The following C10orf90 variants were observed in gnomAD, a reference collection of about 807,000 sequenced individuals.
The protein encoded by C10orf90 is chromosome 10 open reading frame 90, also known as (E2-independent) E3 ubiquitin-conjugating enzyme FATS.
A neutral mutation model predicts 62.5 loss-of-function variants in C10orf90; 56 were observed. The ratio of observed to expected loss-of-function variants is 0.90; its 90% CI spans 0.72 to 1.12. The LOEUF (loss-of-function observed/expected upper bound fraction) is 1.12, where lower values mean the gene tolerates loss of function less well. Ranked by LOEUF, C10orf90 falls within the 50% of genes most tolerant of loss-of-function variation. The probability of loss-of-function intolerance (pLI) is 0.00; values close to 1 mark genes in which losing one functional copy is unlikely to be tolerated. For synonymous variants in C10orf90, 386 were observed against 340.4 expected, an observed-to-expected ratio of 1.13 and a Z score of -1.47; for missense variants, 970 against 880.4, an observed-to-expected ratio of 1.10 and a Z score of -1.29.
chr10:126,454,150 C>T (rs1025237689), intron 7 of C10orf90, among the ~76,000 whole-genome samples: 1 of 152,058 alleles, frequency 6.6e-6, no homozygotes, highest in Middle Eastern at 3.2e-3. Context: ...GTGGCATCCC[C>T]TATGACCACA....
chr10:126,487,731 A>G (rs1202455119), intron 4 of C10orf90, among the ~76,000 whole-genome samples: 1 of 152,198 alleles, frequency 6.6e-6, no homozygotes, highest in African/African-American at 2.4e-5. Context: ...GTAAAAATTG[A>G]TAAGATCTGC....
chr10:126,543,297 G>T (rs1328028926), intron 2 of C10orf90, among the ~76,000 whole-genome samples: 1 of 152,114 alleles, frequency 6.6e-6, no homozygotes, highest in African/African-American at 2.4e-5. Context: ...GTGCACCTCT[G>T]TTCTTTCATC....
intron 2 of C10orf90, among the ~76,000 whole-genome samples, chr10:126,611,942 A>G (rs1247598186): frequency 1.3e-5 from 2 of 152,232 alleles, no homozygotes; most frequent in Non-Finnish European, 2.9e-5. Context: ...ACCATGTGTG[A>G]CTATTAAACT....
intron 7 of C10orf90, among the ~76,000 whole-genome samples, chr10:126,452,394 G>C (rs1859256269): frequency 6.6e-6 from 1 of 152,070 alleles, no homozygotes; most frequent in Admixed American, 6.5e-5. Flanking sequence ...GCATTTTTTA[G>C]AGAACCATAA....
chr10:126,429,303 C>G (rs1045416801), intron 8 of C10orf90, among the ~76,000 whole-genome samples: 18 of 152,136 alleles, frequency 1.2e-4, no homozygotes, highest in African/African-American at 4.3e-4. Flanking sequence ...GACAGAGTAC[C>G]AGGAAACCTA....
At chr10:126,451,273 T>C (rs1034482760) in intron 7 of C10orf90, among the ~76,000 whole-genome samples, 9 of 152,144 alleles carry the variant, frequency 5.9e-5, no homozygotes, top group Non-Finnish European at 1.0e-4. Flanking sequence ...TGGAAAACAG[T>C]ATGGATATTC....
chr10:126,612,774 C>A (rs1845465249), intron 2 of C10orf90, among the ~76,000 whole-genome samples: 1 of 152,164 alleles, frequency 6.6e-6, no homozygotes, highest in African/African-American at 2.4e-5. Context: ...TGGTCTATTT[C>A]TGAAAACTCT....
intron 4 of C10orf90, among the ~76,000 whole-genome samples, chr10:126,490,582 T>C (rs1591000424): frequency 6.6e-6 from 1 of 152,090 alleles, no homozygotes; most frequent in East Asian, 1.9e-4. Flanking sequence ...TGAATGTACT[T>C]AATGCCACAG....
chr10:126,574,138 G>C (rs1031375219), intron 2 of C10orf90, among the ~76,000 whole-genome samples: 2 of 152,040 alleles, frequency 1.3e-5, no homozygotes, highest in Admixed American at 6.6e-5. Context: ...TTCAAACACA[G>C]AAGTCATGAA....
At position 126,464,793 on chromosome 10, in the gene C10orf90, G is replaced by A; in HGVS notation, c.1728C>T (p.Pro576=). Residue 576 remains proline (P), a synonymous_variant, in exon 5 of 10, where the codon CCC becomes CCT. Coordinates refer to ENST00000488181, the MANE Select transcript of C10orf90 (RefSeq NM_001350921.2). ...AAAGAAACCCAGGAAAAAGGATTCT[G>A]GGTTTCAGGAAGCTTTGATGTCGTC... The part of the protein sequence containing the change: ...TERRHQSFLK[P]RILFPGFLCP... 6.2e-7 allele frequency: 1 copy of A among 1,614,096 alleles called. No individual in the cohort carries two copies.
chr10:126,519,410 C>T (rs193197134), intron 2 of C10orf90, among the ~76,000 whole-genome samples: 37 of 152,274 alleles, frequency 2.4e-4, no homozygotes, highest in Non-Finnish European at 4.4e-4. Flanking sequence ...CCTCATGAAT[C>T]GATCCACCCA....
At chr10:126,442,623 TTG>T (rs1282867966) in intron 7 of C10orf90, among the ~76,000 whole-genome samples, 31 of 113,322 alleles carry the variant, frequency 2.7e-4, no homozygotes, top group African/African-American at 4.5e-4. Context: ...CCTACTATTA[TTG>T]TGTGTGTGTA....
At position 126,430,064 on chromosome 10, in the gene C10orf90, C is replaced by T. The variant is rs571285169; in HGVS notation, c.2189-214G>A. On this transcript the variant is annotated intron_variant, in intron 7 of 9. Coordinates refer to ENST00000488181, the MANE Select transcript of C10orf90 (RefSeq NM_001350921.2). ...GGTCTTGACAATAGTTAAATAAGGA[C>T]GTGAAGTACAATGTTAGCATCTAAC... is the stretch of plus-strand genomic sequence containing the variant. 3.3e-5 allele frequency among the ~76,000 whole-genome samples: 5 copies of T among 152,274 alleles called. No individual in the cohort carries two copies. In the South Asian group the frequency reaches 8.3e-4, roughly 25 times the overall value.
At chr10:126,543,251 T>C (rs575607416) in intron 2 of C10orf90, among the ~76,000 whole-genome samples, 1 of 152,326 alleles carries the variant, frequency 6.6e-6, no homozygotes, top group East Asian at 1.9e-4. Flanking sequence ...TATTCAAGCC[T>C]GCTAGCTCTG....
intron 1 of C10orf90, among the ~76,000 whole-genome samples, chr10:126,664,191 G>T (rs564332613): frequency 1.3e-5 from 2 of 152,244 alleles, no homozygotes; most frequent in African/African-American, 2.4e-5. Flanking sequence ...AATATAGAAG[G>T]TCATAAGTCT....
chr10:126,533,238 A>G (rs1591075985), intron 2 of C10orf90, among the ~76,000 whole-genome samples: 1 of 152,022 alleles, frequency 6.6e-6, no homozygotes, highest in Non-Finnish European at 1.5e-5. Context: ...CCGGCCTGCT[A>G]TTGTATTATC....
intron 2 of C10orf90, among the ~76,000 whole-genome samples, chr10:126,596,744 C>A (rs905015347): frequency 6.6e-6 from 1 of 152,034 alleles, no homozygotes; most frequent in Admixed American, 6.5e-5. Context: ...TATGGGTACC[C>A]GAAGTATAGT....
chr10:126,611,430 T>C (rs958743723), intron 2 of C10orf90, among the ~76,000 whole-genome samples: 1 of 149,236 alleles, frequency 6.7e-6, no homozygotes, highest in African/African-American at 2.5e-5. Flanking sequence ...TCCCATTTTT[T>C]GGCTATTAGG....
At chr10:126,465,358 T>C (rs1476676316) in intron 4 of C10orf90, among the ~76,000 whole-genome samples, 1 of 151,762 alleles carries the variant, frequency 6.6e-6, no homozygotes, top group Non-Finnish European at 1.5e-5. Flanking sequence ...TTTATTATTA[T>C]ATTATTTAGG....
Sources: allele counts gnomAD v4.1 joint callset (sites outside exome capture counted in the v4.1 genomes callset), GRCh38; gene constraint gnomAD v4.1.1; transcripts MANE v1.5; gene names NCBI Gene and HGNC (gene_info 2026-07-23, HGNC 2026-07-21).